RASGRF2: variants seen among roughly 807,000 people sequenced by gnomAD.
RASGRF2 encodes ras-specific guanine nucleotide-releasing factor 2.
Under a neutral mutation model 151.0 loss-of-function variants are expected in RASGRF2, and 76 were observed. That is an observed-to-expected ratio of 0.50 (90% CI 0.42 to 0.61). The LOEUF (loss-of-function observed/expected upper bound fraction) is 0.61. Ranked by LOEUF, RASGRF2 falls within the 20% of genes least tolerant of loss-of-function variation. The pLI, the probability that RASGRF2 is intolerant of heterozygous loss-of-function variation, is 0.00. For synonymous variants in RASGRF2, 504 were observed against 566.5 expected (o/e 0.89, Z 1.57); for missense variants, 1,148 against 1,564.6 (o/e 0.73, Z 4.49).
intron 2 of RASGRF2, among the ~76,000 whole-genome samples, chr5:81,059,341 A>G (rs252590): frequency 0.87 from 128,907 of 147,926 alleles, 56,547 homozygotes; most frequent in Middle Eastern, 0.93. Context: ...TTGATATCGC[A>G]CCACTGCACT....
intron 2 of RASGRF2, among the ~76,000 whole-genome samples, chr5:81,051,409 T>C (rs558372212): frequency 6.6e-6 from 1 of 152,300 alleles, no homozygotes; most frequent in Admixed American, 6.5e-5. Flanking sequence ...CACAAGGTTG[T>C]ACAACCATCA....
intron 17 of RASGRF2, among the ~76,000 whole-genome samples, chr5:81,130,391 G>A (rs1173442916): frequency 6.6e-6 from 1 of 152,142 alleles, no homozygotes; most frequent in East Asian, 1.9e-4. Context: ...GTTGCACAGG[G>A]GTCAGTTTCA....
At chr5:81,033,406 G>T (rs7378795) in intron 1 of RASGRF2, among the ~76,000 whole-genome samples, 1 of 139,610 alleles carries the variant, frequency 7.2e-6, no homozygotes, top group Admixed American at 7.7e-5. Flanking sequence ...TATACTACAA[G>T]GCTACAGTCA....
At chr5:81,082,002 A>G (rs1188575648) in intron 7 of RASGRF2, among the ~76,000 whole-genome samples, 1 of 152,222 alleles carries the variant, frequency 6.6e-6, no homozygotes, top group Non-Finnish European at 1.5e-5. Context: ...ATAATGAAAT[A>G]TATAGTATAG....
intron 18 of RASGRF2, among the ~76,000 whole-genome samples, chr5:81,195,987 C>T (rs1432619276): frequency 2.0e-5 from 3 of 152,172 alleles, no homozygotes; most frequent in African/African-American, 7.2e-5. Context: ...GGCCGGGCAC[C>T]GTGGCTCACG....
chr5:81,010,153 CAA>C (rs10942939), intron 1 of RASGRF2, among the ~76,000 whole-genome samples: 12 of 130,588 alleles, frequency 9.2e-5, no homozygotes, highest in Admixed American at 1.6e-4. Context: ...GATTTCATCT[CAA>C]AAAAAAAAAA....
At chr5:80,973,881 CTA>C (rs1748022669) in intron 1 of RASGRF2, among the ~76,000 whole-genome samples, 1 of 152,168 alleles carries the variant, frequency 6.6e-6, no homozygotes, top group African/African-American at 2.4e-5. Context: ...CGTTCAAGAG[CTA>C]CAATGGTGTG....
chr5:81,162,464 T>C (rs6882101), intron 17 of RASGRF2, among the ~76,000 whole-genome samples: 105,984 of 152,040 alleles, frequency 0.7, 37,293 homozygotes, highest in East Asian at 0.8. Context: ...TCTCCTGCCT[T>C]AGCATCATGA....
chr5:81,164,098 G>A (rs545288472), intron 17 of RASGRF2, among the ~76,000 whole-genome samples: 6 of 152,302 alleles, frequency 3.9e-5, no homozygotes, highest in African/African-American at 1.2e-4. Context: ...TAAACACTGA[G>A]TGATGTTAGC....
intron 2 of RASGRF2, among the ~76,000 whole-genome samples, chr5:81,045,217 A>C (rs1284694842): frequency 2.0e-5 from 3 of 152,132 alleles, no homozygotes; most frequent in Non-Finnish European, 2.9e-5. Flanking sequence ...TACAATCTCT[A>C]TTCCTTTCTA....
Position 81,123,750 on chromosome 5 carries a change from G to A in RASGRF2, c.2579G>A (p.Arg860His), listed in dbSNP as rs1299638575. ...CRSPSTPRHL[R>H]YRQPGGQTAD... Reference sequence around the variant, plus strand: ...TCCCCCTCAACTCCTCGGCACCTCCGCTATCGACAGCCTGGAGGTAAGAGC... The same window carrying A: ...TCCCCCTCAACTCCTCGGCACCTCCACTATCGACAGCCTGGAGGTAAGAGC... Residue 860 changes from arginine to histidine, a missense_variant, in exon 16 of 27, where the codon CGC becomes CAC. Transcript: ENST00000265080. The A allele has an allele frequency of 3.1e-6, 5 of 1,613,498 alleles. 1 individual carries two copies. The highest frequency in any genetic ancestry group is 2.7e-5 in the African/African-American group (2 of 74,886).
At chr5:81,169,685 A>G (rs1754599038) in intron 17 of RASGRF2, among the ~76,000 whole-genome samples, 1 of 152,176 alleles carries the variant, frequency 6.6e-6, no homozygotes. Context: ...GGATTTGGGG[A>G]GAATACTATT....
intron 1 of RASGRF2, among the ~76,000 whole-genome samples, chr5:81,034,348 G>C (rs1481803207): frequency 6.6e-6 from 1 of 152,156 alleles, no homozygotes; most frequent in Non-Finnish European, 1.5e-5. Context: ...TACACTGTTG[G>C]TGGGACGGTA....
At chr5:81,034,560 G>C (rs370978837) in intron 1 of RASGRF2, among the ~76,000 whole-genome samples, 16,525 of 150,226 alleles carry the variant, frequency 0.11, 1,163 homozygotes, top group Non-Finnish European at 0.16. Flanking sequence ...AAATGTCCAA[G>C]AATGATAGAC....
At chr5:81,170,755 TA>T (rs1754640662) in intron 17 of RASGRF2, among the ~76,000 whole-genome samples, 1 of 152,232 alleles carries the variant, frequency 6.6e-6, no homozygotes, top group Non-Finnish European at 1.5e-5. Context: ...TTTATTTGCT[TA>T]TAGATAATAA....
intron 4 of RASGRF2, among the ~76,000 whole-genome samples, chr5:81,072,833 A>T (rs1395583721): frequency 6.6e-6 from 1 of 152,188 alleles, no homozygotes; most frequent in African/African-American, 2.4e-5. Flanking sequence ...AGGCCTGTGC[A>T]TGTCCAGCTC....
At chr5:81,134,062 T>C (rs1753690327) in intron 17 of RASGRF2, among the ~76,000 whole-genome samples, 1 of 142,466 alleles carries the variant, frequency 7.0e-6, no homozygotes, top group South Asian at 2.3e-4. Flanking sequence ...TGAAGCCAAG[T>C]AGGAAATGCT....
chr5:81,050,023 T>C (rs1399733322), intron 2 of RASGRF2, among the ~76,000 whole-genome samples: 1 of 152,182 alleles, frequency 6.6e-6, no homozygotes, highest in Non-Finnish European at 1.5e-5. Context: ...ATGTAAGGCA[T>C]ACTCTCCTGT....
chr5:81,016,426 A>G (rs1749639130), intron 1 of RASGRF2, among the ~76,000 whole-genome samples: 2 of 152,174 alleles, frequency 1.3e-5, no homozygotes, highest in South Asian at 4.1e-4. Flanking sequence ...AACTTAATAT[A>G]TTAAATTCTC....
Sources: gnomAD v4.1 joint callset for allele counts (sites outside exome capture counted in the v4.1 genomes callset) on GRCh38, gnomAD v4.1.1 for gene constraint, MANE v1.5 for transcripts, NCBI Gene and HGNC (gene_info 2026-07-23, HGNC 2026-07-21) for gene names.